The following RALY variants were observed in gnomAD, a reference collection of about 807,000 sequenced individuals.
RALY encodes the protein RALY heterogeneous nuclear ribonucleoprotein.
A neutral mutation model predicts 30.7 loss-of-function variants in RALY; 15 were observed. The observed-to-expected ratio is 0.49, with a 90% CI of 0.33 to 0.75. The LOEUF (loss-of-function observed/expected upper bound fraction) is 0.75. RALY is among the 30% of genes least tolerant of loss of function. The pLI is 0.02. For synonymous variants in RALY, 177 were observed against 170.8 expected, an observed-to-expected ratio of 1.04 and a Z score of -0.28; for missense variants, 339 against 414.3, an observed-to-expected ratio of 0.82 and a Z score of 1.58.
chr20:34,050,647 C>G (rs539347556), intron 2 of RALY, among the ~76,000 whole-genome samples: 3 of 152,222 alleles, frequency 2.0e-5, no homozygotes, highest in African/African-American at 7.2e-5. Context: ...CAGCCTGGTC[C>G]CATTTCTCAT....
Position 34,077,087 on chromosome 20 carries a change from G to A in RALY, c.718G>A (p.Gly240Ser), listed in dbSNP as rs542130969. ...AGGGGGGGGS[G>S]GGGSGGGGGG... ...CGGCGGCGGCGGTGGTGGTGGCAGC[G>A]GTGGCGGTGGCAGTGGTGGTGGCGG... The change falls in exon 8 of 10, where the codon GGT (glycine) becomes AGT (serine). Residue 240 changes from glycine to serine, a missense_variant. Gly to Ser is a moderately conservative substitution (Grantham distance 56). Around this residue, in one of 2 missense-constraint regions of RALY, gnomAD observed 268 missense variants for 280.6 expected, o/e 0.95. Coordinates refer to ENST00000246194, the MANE Select transcript of RALY (RefSeq NM_016732.3). 467 of 1,604,174 alleles carry A rather than the reference G, an allele frequency of 2.9e-4. 2 individuals are homozygous for A. In the East Asian group the frequency reaches 8.7e-3, roughly 30 times the overall value.
chr20:34,069,559 A>C (rs2033669358), intron 2 of RALY, among the ~76,000 whole-genome samples: 1 of 152,182 alleles, frequency 6.6e-6, no homozygotes, highest in Non-Finnish European at 1.5e-5. Flanking sequence ...CCTAGGAGAG[A>C]ATCATCTGAT....
chr20:34,009,684 A>G (rs1200179782), intron 1 of RALY, among the ~76,000 whole-genome samples: 1 of 151,982 alleles, frequency 6.6e-6, no homozygotes, highest in East Asian at 1.9e-4. Context: ...TGAGTTTACA[A>G]CTTCATGTTC....
rs541999888 is a variant in RALY, at chr20:34,004,108, G to A, written c.-93+9977G>A. 1.2e-3 allele frequency among the ~76,000 whole-genome samples: 188 copies of A among 152,268 alleles called. 1 individual carries two copies. The highest frequency in any genetic ancestry group is 2.4e-3 in the Non-Finnish European group (165 of 68,026). ...GAACCATACTATGAATTCTCACATA[G>A]CAAGTACCATAAAGGGGTACAATGA... On this transcript the variant is annotated intron_variant, in intron 1 of 9. Coordinates refer to ENST00000246194, the MANE Select transcript of RALY (RefSeq NM_016732.3).
At chr20:34,055,151 G>A (rs6088390) in intron 2 of RALY, among the ~76,000 whole-genome samples, 1 of 152,226 alleles carries the variant, frequency 6.6e-6, no homozygotes, top group South Asian at 2.1e-4. Flanking sequence ...TTGAACCCCA[G>A]GTAGTCTGAT....
intron 2 of RALY, among the ~76,000 whole-genome samples, chr20:34,062,063 A>G (rs1281621789): frequency 1.3e-5 from 2 of 152,176 alleles, no homozygotes; most frequent in African/African-American, 2.4e-5. Flanking sequence ...ATCATGCAGC[A>G]TATCCTAGGA....
chr20:34,073,510 T>C, intron 3 of RALY, 53 bp from the exon 4 acceptor site: 1 of 1,484,760 alleles, frequency 6.7e-7, no homozygotes, highest in South Asian at 1.1e-5. Flanking sequence ...GGTTGATGTG[T>C]GTGGGCACAC....
intron 2 of RALY, among the ~76,000 whole-genome samples, chr20:34,063,270 TG>T (rs1257898746): frequency 1.3e-5 from 2 of 152,226 alleles, no homozygotes; most frequent in African/African-American, 4.8e-5. Context: ...GAGTACCTTT[TG>T]TGGTCACATG....
intron 1 of RALY, among the ~76,000 whole-genome samples, chr20:33,995,958 T>C (rs543276119): frequency 1.3e-5 from 2 of 152,320 alleles, no homozygotes; most frequent in South Asian, 4.1e-4. Flanking sequence ...GGAAGTTTTA[T>C]AGTCCCCACC....
At chr20:34,030,281 C>G (rs2032219519) in intron 1 of RALY, among the ~76,000 whole-genome samples, 1 of 152,238 alleles carries the variant, frequency 6.6e-6, no homozygotes, top group Non-Finnish European at 1.5e-5. Context: ...CTTAATTTCT[C>G]TGTGCCTCAA....
intron 1 of RALY, among the ~76,000 whole-genome samples, chr20:34,021,654 T>C (rs1388735751): frequency 6.6e-6 from 1 of 152,076 alleles, no homozygotes; most frequent in Non-Finnish European, 1.5e-5. Context: ...ATTCAAACCA[T>C]AGCAGTCATG....
At chr20:34,043,784 A>G (rs1256312533) in intron 2 of RALY, among the ~76,000 whole-genome samples, 1 of 152,184 alleles carries the variant, frequency 6.6e-6, no homozygotes, top group African/African-American at 2.4e-5. Flanking sequence ...CTCGGCACAG[A>G]AGTAAGTCTT....
chr20:34,063,188 T>G (rs1234218762), intron 2 of RALY, among the ~76,000 whole-genome samples: 1 of 152,214 alleles, frequency 6.6e-6, no homozygotes, highest in African/African-American at 2.4e-5. Flanking sequence ...GCAGAAGGCT[T>G]AGTGCAGTTC....
At chr20:34,013,584 A>G (rs1167493996) in intron 1 of RALY, among the ~76,000 whole-genome samples, 1 of 152,092 alleles carries the variant, frequency 6.6e-6, no homozygotes, top group Non-Finnish European at 1.5e-5. Context: ...TTTATCTTTC[A>G]TATCAATTCC....
At chr20:34,026,837 A>C (rs897083903) in intron 1 of RALY, among the ~76,000 whole-genome samples, 2 of 152,148 alleles carry the variant, frequency 1.3e-5, no homozygotes, top group Non-Finnish European at 2.9e-5. Flanking sequence ...AGATTAGTAG[A>C]TATTCGGTTG....
intron 2 of RALY, among the ~76,000 whole-genome samples, chr20:34,054,202 C>G (rs78387526): frequency 5.8e-4 from 88 of 152,284 alleles, no homozygotes; most frequent in African/African-American, 2.0e-3. Context: ...CTGAAAAACG[C>G]CCACCTAGGA....
At chr20:34,059,125 GTTCC>G (rs2033342537) in intron 2 of RALY, among the ~76,000 whole-genome samples, 1 of 152,282 alleles carries the variant, frequency 6.6e-6, no homozygotes, top group South Asian at 2.1e-4. Context: ...GAGGTCACCC[GTTCC>G]TTCCTTCCCC....
intron 2 of RALY, among the ~76,000 whole-genome samples, chr20:34,051,146 C>T (rs1272200134): frequency 6.6e-6 from 1 of 152,170 alleles, no homozygotes; most frequent in Non-Finnish European, 1.5e-5. Context: ...ATATTACAGA[C>T]CCCTTTCATA....
Position 34,072,460 on chromosome 20 carries a change from TGTTTAA to T in RALY, c.256+135_256+140del, listed in dbSNP as rs1275290810. On this transcript the variant is annotated intron_variant, in intron 3 of 9. Transcript: ENST00000246194. ...TGAGATTTTATAAATTTATAAGCTATGTTTAAGTTTTAAATAGTTATAAAATTAATC... is the reference window on the plus strand; with the variant it reads ...TGAGATTTTATAAATTTATAAGCTATGTTTTAAATAGTTATAAAATTAATC... 3.2e-6 allele frequency: 4 copies of T among 1,265,304 alleles called. No homozygotes were observed. The African/African-American group carries it at 6.0e-5, about 19-fold the overall frequency. The allele number at this position is 1,265,304 out of a possible 1,614,324, so 78.4% of individuals were successfully genotyped here. A position where few individuals can be genotyped will look rare whatever the true frequency, so the allele number is the denominator to read the frequency against.
Sources: allele counts gnomAD v4.1 joint callset (sites outside exome capture counted in the v4.1 genomes callset), GRCh38; gene constraint gnomAD v4.1.1; regional missense constraint gnomAD v4.1.1; transcripts MANE v1.5; gene names NCBI Gene and HGNC (gene_info 2026-07-23, HGNC 2026-07-21).